Variants in ZNF333 observed in about 807,000 individuals in gnomAD.
The protein encoded by ZNF333 is zinc finger protein 333.
In ZNF333, 61 loss-of-function variants were observed where a neutral mutation model predicts 76.1. The ratio of observed to expected loss-of-function variants is 0.80; its 90% CI spans 0.65 to 0.99. ZNF333 has a LOEUF of 0.99. ZNF333 is among the 50% of genes least tolerant of loss of function. The pLI, the probability that ZNF333 is intolerant of heterozygous loss-of-function variation, is 0.00. For synonymous variants in ZNF333, 284 were observed against 305.0 expected (o/e 0.93, Z 0.72); for missense variants, 717 against 822.4 (o/e 0.87, Z 1.57).
At chr19:14,706,188 T>A in intron 6 of ZNF333, 1 of 457,302 alleles carries the variant, frequency 2.2e-6, no homozygotes, top group Non-Finnish European at 4.4e-6. Context: ...GGCTCCACCC[T>A]GGACACAGAG....
At chr19:14,705,323 T>G (rs1458343072) in intron 6 of ZNF333, among the ~76,000 whole-genome samples, 153 bp downstream of exon 6, 1 of 152,006 alleles carries the variant, frequency 6.6e-6, no homozygotes, top group Non-Finnish European at 1.5e-5. Context: ...TGGAGTCTGT[T>G]TCTGTGTTGA....
At chr19:14,731,526 C>A in exon 12 of ZNF333, 1 of 296,528 alleles carries the variant, frequency 3.4e-6, no homozygotes, top group Non-Finnish European at 6.2e-6. Flanking sequence ...CACAGTGGAC[C>A]CCCACGGTGG....
In ZNF333 at chr19:14,713,763, G is replaced by A. The variant is rs150158777; in HGVS notation, c.512-1619G>A. Among the ~76,000 whole-genome samples, 305 of 152,046 alleles carry A rather than the reference G, an allele frequency of 2.0e-3. 1 individual carries two copies. Among genetic ancestry groups the A allele is most frequent in the African/African-American group, 7.2e-3 (299 of 41,470 alleles). ...GCTTGAGGCTAGGAATTCAAGGCTA[G>A]CCTGGGCAACATAGTGAGACCCCCA... On this transcript the variant is annotated intron_variant, in intron 7 of 11. Transcript: ENST00000292530.
At chr19:14,722,872 G>A (rs1194192698), downstream of ZNF333, among the ~76,000 whole-genome samples, 4 of 152,134 alleles carry the variant, frequency 2.6e-5, no homozygotes, top group Admixed American at 6.5e-5. Flanking sequence ...CGCAACCTCC[G>A]CCTCCCCGGT....
Position 14,692,705 on chromosome 19 carries a change from G to T in ZNF333, c.-41-746G>T, listed in dbSNP as rs970655200. Among the ~76,000 whole-genome samples the T allele has an allele frequency of 5.3e-5, 8 of 151,850 alleles. No individual in the cohort carries two copies. The South Asian group carries it at 1.7e-3, about 32-fold the overall frequency. Reference sequence around the variant, plus strand: ...TTTTTGTATTTTAAGTAGAGATGGGGTTTCACCATGTTGGCCAGGCTGGTC... The same window carrying T: ...TTTTTGTATTTTAAGTAGAGATGGGTTTTCACCATGTTGGCCAGGCTGGTC... On this transcript the variant is annotated intron_variant, in intron 1 of 11. Transcript: ENST00000292530.
Position 14,719,166 on chromosome 19 carries a change from T to C in ZNF333, c.1839T>C (p.Ser613=). The C allele has an allele frequency of 6.2e-7, 1 of 1,614,202 alleles. No homozygotes were observed. Residue 613 remains serine (S), a synonymous_variant, in exon 12 of 12, where the codon AGT becomes AGC. Coordinates refer to ENST00000292530, the MANE Select transcript of ZNF333 (RefSeq NM_032433.4). ...TTATTGTACATGTGAGAACACACAG[T>C]GCCGGGAGACCCTATCAATGTAATC... ...SHLIVHVRTH[S]AGRPYQCNQC...
At chr19:14,691,234 G>A (rs1972752427) in intron 1 of ZNF333, among the ~76,000 whole-genome samples, 2 of 152,152 alleles carry the variant, frequency 1.3e-5, no homozygotes, top group East Asian at 1.9e-4. Context: ...CCGTTTCTCA[G>A]TTATTTCACA....
chr19:14,691,768 C>G (rs909544855), intron 1 of ZNF333, among the ~76,000 whole-genome samples: 5 of 151,226 alleles, frequency 3.3e-5, no homozygotes, highest in Non-Finnish European at 5.9e-5. Flanking sequence ...CTTCTGCCTC[C>G]TGGGTTCAAG....
chr19:14,693,390 C>A, intron 1 of ZNF333, 61 bp from the exon 2 acceptor site: 2 of 1,370,598 alleles, frequency 1.5e-6, no homozygotes, highest in Non-Finnish European at 2.0e-6. Flanking sequence ...CTGGAGATCC[C>A]CCAAAATGCT....
chr19:14,717,104 A>T lies in ZNF333; in HGVS notation c.823+15A>T. 1 of 1,593,380 alleles carries T rather than the reference A, an allele frequency of 6.3e-7. No homozygotes were observed. The highest frequency in any genetic ancestry group is 8.6e-7 in the Non-Finnish European group (1 of 1,167,518). On this transcript the variant is annotated intron_variant, in intron 10 of 11. Coordinates refer to ENST00000292530, the MANE Select transcript of ZNF333 (RefSeq NM_032433.4). Reference sequence around the variant, plus strand: ...CACCTGTGCAGGTGAGCCCAGGCAGATCAGGTGAGCATCAGCTCTGGTCAG... The same window carrying T: ...CACCTGTGCAGGTGAGCCCAGGCAGTTCAGGTGAGCATCAGCTCTGGTCAG...
Position 14,705,034 on chromosome 19 carries a change from A to G in ZNF333, c.307-20A>G, listed in dbSNP as rs762649394. On this transcript the variant is annotated intron_variant, in intron 5 of 11. Coordinates refer to ENST00000292530, the MANE Select transcript of ZNF333 (RefSeq NM_032433.4). ...TGGTGCCAACTCTGTCCTGCTCAGC[A>G]CCCTCTTGTCTTTTGCCAGGGGCCG... 1 of 1,611,234 alleles carries G rather than the reference A, an allele frequency of 6.2e-7. No individual in the cohort carries two copies. Among genetic ancestry groups the G allele is most frequent in the Non-Finnish European group, 8.5e-7 (1 of 1,177,964 alleles).
Position 14,720,412 on chromosome 19 carries a change from T to C in ZNF333, c.*1087T>C. 2.0e-6 allele frequency: 2 copies of C among 985,380 alleles called. No individual in the cohort carries two copies. The highest frequency in any genetic ancestry group is 2.4e-6 in the Non-Finnish European group (2 of 829,926). 61.0% of individuals were successfully genotyped at this position (985,380 alleles called of 1,614,324 possible). ...ACCTAGAGGAGCCCTCCTGTGACCA[T>C]AAGGGTAAAAGCCGCAAGCTAAGAA... On this transcript the variant is annotated 3_prime_UTR_variant, in exon 12 of 12. Coordinates refer to ENST00000292530, the MANE Select transcript of ZNF333 (RefSeq NM_032433.4).
chr19:14,704,975 C>A, intron 5 of ZNF333, 79 bp from the exon 6 acceptor site: 1 of 1,446,894 alleles, frequency 6.9e-7, no homozygotes, highest in South Asian at 1.2e-5. Flanking sequence ...GCCCTAAGCC[C>A]CAAACCAAAG....
At chr19:14,717,787 T>G in intron 11 of ZNF333, 54 bp downstream of exon 11, 1 of 1,564,844 alleles carries the variant, frequency 6.4e-7, no homozygotes, top group Non-Finnish European at 8.8e-7. Context: ...GAGTCTGGGG[T>G]TAACCGTAAG....
downstream of ZNF333, among the ~76,000 whole-genome samples, chr19:14,723,850 C>A (rs546233229): frequency 3.7e-4 from 56 of 152,326 alleles, no homozygotes; most frequent in African/African-American, 1.3e-3. Context: ...AAATGACCAA[C>A]AGGAGAGGGC....
chr19:14,702,278 G>A (rs1306880694), intron 5 of ZNF333, among the ~76,000 whole-genome samples: 1 of 152,234 alleles, frequency 6.6e-6, no homozygotes, highest in Non-Finnish European at 1.5e-5. Flanking sequence ...AACTCCGGAA[G>A]CTGAGGTGGG....
intron 7 of ZNF333, among the ~76,000 whole-genome samples, chr19:14,711,642 C>A (rs1402679716): frequency 6.6e-6 from 1 of 152,086 alleles, no homozygotes; most frequent in Non-Finnish European, 1.5e-5. Flanking sequence ...GAGAGCAAGA[C>A]CCTGTCTCAA....
At position 14,719,345 on chromosome 19, in the gene ZNF333, T is replaced by C. The variant is rs763299833; in HGVS notation, c.*20T>C. 5.1e-6 allele frequency: 8 copies of C among 1,582,964 alleles called. No homozygotes were observed. Among genetic ancestry groups the C allele is most frequent in the African/African-American group, 1.4e-5 (1 of 73,974 alleles). On this transcript the variant is annotated 3_prime_UTR_variant, in exon 12 of 12. Transcript: ENST00000292530. The stretch of plus-strand genomic sequence containing the variant: ...AATTAACTTCCATTTTGTAAAAATA[T>C]AAACACATGGGGCTATGACTTTCCC...
chr19:14,702,601 C>T lies in ZNF333; in HGVS notation c.307-2453C>T, dbSNP rs77416338. Among the ~76,000 whole-genome samples the T allele has an allele frequency of 8.0e-3, 1,226 of 152,318 alleles. 17 individuals carry two copies. Among genetic ancestry groups the T allele is most frequent in the African/African-American group, 0.027 (1,106 of 41,574 alleles). On this transcript the variant is annotated intron_variant, in intron 5 of 11. Transcript: ENST00000292530. ...CTCAGCCCTTCTTCTGTCCCAGGCC[C>T]ACCCCACAGCTGCCTCTTCTGCAGA...
Sources: gnomAD v4.1 joint callset for allele counts (sites outside exome capture counted in the v4.1 genomes callset) on GRCh38, gnomAD v4.1.1 for gene constraint, MANE v1.5 for transcripts, NCBI Gene and HGNC (gene_info 2026-07-23, HGNC 2026-07-21) for gene names.